The following PRKG1 variants were observed in gnomAD, a reference collection of about 807,000 sequenced individuals.
PRKG1 encodes the protein protein kinase cGMP-dependent 1, also known as cGMP-dependent protein kinase 1.
PRKG1 carries 35 observed loss-of-function variants against 88.1 expected under a neutral mutation model. The ratio of observed to expected loss-of-function variants is 0.40; its 90% CI spans 0.30 to 0.53. The LOEUF (loss-of-function observed/expected upper bound fraction) is 0.53, where lower values mean the gene tolerates loss of function less well. Ranked by LOEUF, PRKG1 falls within the 20% of genes least tolerant of loss-of-function variation. The pLI is 0.59. For missense variants in PRKG1, 540 were observed against 839.8 expected (o/e 0.64, Z 4.41); for synonymous variants, 303 against 292.5 (o/e 1.04, Z -0.37).
chr10:51,753,180 T>A (rs190804587), intron 3 of PRKG1, among the ~76,000 whole-genome samples: 17 of 152,134 alleles, frequency 1.1e-4, no homozygotes, highest in African/African-American at 4.1e-4. Context: ...CACTTTTTTT[T>A]AGTTCATTGC....
At chr10:52,217,668 G>T (rs1840146332) in intron 9 of PRKG1, among the ~76,000 whole-genome samples, 2 of 152,124 alleles carry the variant, frequency 1.3e-5, no homozygotes, top group Admixed American at 6.5e-5. Context: ...TCTCCTACTG[G>T]ATAGGAGACA....
At chr10:51,656,633 A>C (rs770412299) in intron 3 of PRKG1, among the ~76,000 whole-genome samples, 1 of 151,726 alleles carries the variant, frequency 6.6e-6, no homozygotes, top group African/African-American at 2.4e-5. Flanking sequence ...TCATTTGCCT[A>C]CTCTCTCTTT....
chr10:51,295,446 T>C (rs187836583), intron 2 of PRKG1, among the ~76,000 whole-genome samples: 62 of 152,288 alleles, frequency 4.1e-4, no homozygotes, highest in African/African-American at 1.4e-3. Flanking sequence ...TGTTTGTGTA[T>C]AGAACATGAC....
chr10:52,024,305 TTATTTATTTAAC>T (rs1365492774), intron 5 of PRKG1, among the ~76,000 whole-genome samples: 1 of 100,764 alleles, frequency 9.9e-6, no homozygotes, highest in Non-Finnish European at 1.9e-5. Flanking sequence ...ATTCATTTAT[TTATTTATTTAAC>T]TTTTTTTTTT....
intron 3 of PRKG1, among the ~76,000 whole-genome samples, chr10:51,631,308 G>A (rs1839520073): frequency 6.6e-6 from 1 of 152,166 alleles, no homozygotes; most frequent in Non-Finnish European, 1.5e-5. Context: ...TGAGACAAAT[G>A]TGCAGTGCAG....
Position 51,824,290 on chromosome 10 carries a change from C to A in PRKG1, c.698+19600C>A, listed in dbSNP as rs540089445. On this transcript the variant is annotated intron_variant, in intron 4 of 17. Coordinates refer to ENST00000373980, the MANE Select transcript of PRKG1 (RefSeq NM_006258.4). ...ACTTTAGTTAGTCAGACATTGCAAACCACATTTCCATTATTGCCTGAGATG... is the reference window on the plus strand; with the variant it reads ...ACTTTAGTTAGTCAGACATTGCAAAACACATTTCCATTATTGCCTGAGATG... Among the ~76,000 whole-genome samples the A allele has an allele frequency of 4.6e-5, 7 of 152,236 alleles. No homozygotes were observed. The East Asian group carries it at 1.2e-3, about 25-fold the overall frequency.
intron 2 of PRKG1, among the ~76,000 whole-genome samples, chr10:51,352,939 TAAAAC>T (rs1383193404): frequency 6.6e-6 from 1 of 150,682 alleles, no homozygotes; most frequent in Non-Finnish European, 1.5e-5. Flanking sequence ...AACAACAAAA[TAAAAC>T]AGACACAAAG....
chr10:51,747,819 G>T (rs1477711809), intron 3 of PRKG1, among the ~76,000 whole-genome samples: 2 of 152,056 alleles, frequency 1.3e-5, no homozygotes, highest in Non-Finnish European at 2.9e-5. Flanking sequence ...ACCCAGCCTG[G>T]AGTGCAGTGG....
chr10:51,785,306 C>T (rs1021746481), intron 3 of PRKG1, among the ~76,000 whole-genome samples: 2 of 151,906 alleles, frequency 1.3e-5, no homozygotes, highest in Non-Finnish European at 2.9e-5. Flanking sequence ...TTGCATAAAC[C>T]TCTGTCCACT....
chr10:52,191,584 C>T (rs754322681), intron 9 of PRKG1, among the ~76,000 whole-genome samples: 3 of 152,106 alleles, frequency 2.0e-5, no homozygotes, highest in African/African-American at 7.2e-5. Context: ...GTTCATTAAA[C>T]CTACATGATT....
chr10:51,045,571 C>T (rs1223248244), intron 1 of PRKG1, among the ~76,000 whole-genome samples: 2 of 152,092 alleles, frequency 1.3e-5, no homozygotes, highest in East Asian at 3.9e-4. Flanking sequence ...GGTGATCCGC[C>T]CACCTTGAAA....
At chr10:51,729,765 T>C (rs1171780256) in intron 3 of PRKG1, among the ~76,000 whole-genome samples, 1 of 138,464 alleles carries the variant, frequency 7.2e-6, no homozygotes, top group Non-Finnish European at 1.6e-5. Context: ...CCATAGGCCG[T>C]GGTAATTCAA....
At chr10:52,249,491 G>T (rs780738380) in intron 9 of PRKG1, among the ~76,000 whole-genome samples, 1 of 152,066 alleles carries the variant, frequency 6.6e-6, no homozygotes, top group Non-Finnish European at 1.5e-5. Context: ...AAGATGCTCA[G>T]GTAGCTGTAA....
At chr10:51,537,292 T>C (rs1842180783) in intron 3 of PRKG1, among the ~76,000 whole-genome samples, 1 of 152,212 alleles carries the variant, frequency 6.6e-6, no homozygotes, top group African/African-American at 2.4e-5. Context: ...AATAAATTTT[T>C]AGTAAATGAA....
At chr10:51,258,649 C>G (rs907975433) in intron 2 of PRKG1, among the ~76,000 whole-genome samples, 3 of 152,218 alleles carry the variant, frequency 2.0e-5, no homozygotes, top group Admixed American at 6.5e-5. Flanking sequence ...AGTACTCCTG[C>G]TTCAGTGACT....
At chr10:51,281,845 G>A (rs1220558165) in intron 2 of PRKG1, among the ~76,000 whole-genome samples, 1 of 152,082 alleles carries the variant, frequency 6.6e-6, no homozygotes, top group Non-Finnish European at 1.5e-5. Flanking sequence ...GAGGGAAGGG[G>A]GTAGCTTCAA....
chr10:51,376,075 A>C (rs941702176), intron 2 of PRKG1, among the ~76,000 whole-genome samples: 1 of 152,230 alleles, frequency 6.6e-6, no homozygotes, highest in Admixed American at 6.5e-5. Flanking sequence ...GACAGTAAAA[A>C]GTTAATCTAG....
rs183457099 is a variant in PRKG1 at position 51,134,579 on chromosome 10, G to A, written c.312-18585G>A. Among the ~76,000 whole-genome samples, 5 of 152,238 alleles carry A rather than the reference G, an allele frequency of 3.3e-5. No individual in the cohort carries two copies. The East Asian group carries it at 9.6e-4, about 29-fold the overall frequency. On this transcript the variant is annotated intron_variant, in intron 1 of 17. Coordinates refer to ENST00000373980, the MANE Select transcript of PRKG1 (RefSeq NM_006258.4). Reference sequence around the variant, plus strand: ...GAGCACAAATGGCCAAATAATAGTGGAGAAAATAATAGTGAATGTCAACCT... The same window carrying A: ...GAGCACAAATGGCCAAATAATAGTGAAGAAAATAATAGTGAATGTCAACCT...
chr10:51,589,488 G>A (rs1838254693), intron 3 of PRKG1, among the ~76,000 whole-genome samples: 1 of 152,112 alleles, frequency 6.6e-6, no homozygotes, highest in Non-Finnish European at 1.5e-5. Context: ...GCTGGGTGTG[G>A]TGGCATGTGC....
Sources: allele counts gnomAD v4.1 joint callset (sites outside exome capture counted in the v4.1 genomes callset), GRCh38; gene constraint gnomAD v4.1.1; transcripts MANE v1.5; gene names NCBI Gene and HGNC (gene_info 2026-07-23, HGNC 2026-07-21).